VRK2: variants seen among roughly 807,000 people sequenced by gnomAD.
The protein encoded by VRK2 is VRK serine/threonine kinase 2.
Under a neutral mutation model 57.6 loss-of-function variants are expected in VRK2, and 60 were observed. The observed-to-expected ratio is 1.04, with a 90% confidence interval of 0.85 to 1.29. The LOEUF is 1.29. Among genes scored for constraint, VRK2 ranks in the 50% most tolerant of loss-of-function variants. VRK2 has a pLI of 0.00. For missense variants in VRK2, 705 were observed against 588.1 expected, an observed-to-expected ratio of 1.20 and a Z score of -2.06; for synonymous variants, 231 against 199.2, an observed-to-expected ratio of 1.16 and a Z score of -1.35.
intron 2 of VRK2, among the ~76,000 whole-genome samples, chr2:58,032,318 C>A (rs145470586): frequency 1.3e-5 from 2 of 152,004 alleles, no homozygotes; most frequent in African/African-American, 2.4e-5. Flanking sequence ...AGATTTATTT[C>A]TCAAATGTAT....
chr2:58,074,374 C>A (rs923450452), intron 2 of VRK2, among the ~76,000 whole-genome samples: 1 of 151,824 alleles, frequency 6.6e-6, no homozygotes, highest in Non-Finnish European at 1.5e-5. Context: ...GGTTTTTTAT[C>A]TGTTTTTTTT....
chr2:58,143,474 A>G (rs1375596592), intron 11 of VRK2, among the ~76,000 whole-genome samples: 1 of 151,950 alleles, frequency 6.6e-6, no homozygotes, highest in African/African-American at 2.4e-5. Context: ...TTAATTGGCT[A>G]TCATTTTGTT....
intron 1 of VRK2, among the ~76,000 whole-genome samples, chr2:57,963,497 T>C (rs1671822287): frequency 6.6e-6 from 1 of 152,256 alleles, no homozygotes; most frequent in Admixed American, 6.5e-5. Context: ...ATACATCTTA[T>C]GTGAACTTAT....
chr2:58,068,696 A>AT (rs1668956753), intron 2 of VRK2, among the ~76,000 whole-genome samples: 1 of 149,516 alleles, frequency 6.7e-6, no homozygotes, highest in African/African-American at 2.5e-5. Context: ...GTGGTGTTCA[A>AT]TTTTTTCATA....
chr2:58,025,533 C>T (rs1462698857), intron 1 of VRK2: 1 of 152,076 alleles, frequency 6.6e-6, no homozygotes, highest in African/African-American at 2.4e-5. Context: ...AGTTAAATGT[C>T]TTTTATCTAC....
At chr2:58,144,550 T>A (rs137875172) in intron 11 of VRK2, among the ~76,000 whole-genome samples, 12 of 152,100 alleles carry the variant, frequency 7.9e-5, no homozygotes, top group African/African-American at 2.9e-4. Context: ...AGGGCAAATC[T>A]CACCCTTTAT....
At chr2:58,120,179 C>CTTTTTTTTTT (rs1677207512) in intron 7 of VRK2, among the ~76,000 whole-genome samples, 1 of 93,368 alleles carries the variant, frequency 1.1e-5, no homozygotes, top group African/African-American at 4.6e-5. Context: ...ATTTTTTTTT[C>CTTTTTTTTTT]TTTTCTTTTT....
chr2:57,994,939 G>A (rs1392847109), intron 1 of VRK2, among the ~76,000 whole-genome samples: 1 of 152,022 alleles, frequency 6.6e-6, no homozygotes, highest in African/African-American at 2.4e-5. Flanking sequence ...GCTGAATTTT[G>A]TTTCTGTATT....
intron 12 of VRK2, chr2:58,147,301 G>A (rs1442876344): frequency 7.1e-6 from 3 of 421,316 alleles, no homozygotes; most frequent in Non-Finnish European, 1.4e-5. Flanking sequence ...TCCAGAGACA[G>A]AAATGCTTTT....
intron 7 of VRK2, among the ~76,000 whole-genome samples, chr2:58,105,038 T>C (rs923076703): frequency 2.0e-5 from 3 of 151,782 alleles, no homozygotes; most frequent in Non-Finnish European, 2.9e-5. Flanking sequence ...CCCCTATCTC[T>C]CACCATATAC....
intron 1 of VRK2, chr2:58,017,890 T>A (rs747607242): frequency 6.6e-6 from 1 of 152,232 alleles, no homozygotes; most frequent in Non-Finnish European, 1.5e-5. Flanking sequence ...AAGCTGATAC[T>A]TGATAATTAC....
At chr2:58,039,300 A>T (rs1186681052) in intron 3 of VRK2, among the ~76,000 whole-genome samples, 1 of 152,162 alleles carries the variant, frequency 6.6e-6, no homozygotes, top group African/African-American at 2.4e-5. Context: ...CATTGCCAAA[A>T]GGGGAAGTAC....
chr2:57,972,779 C>T (rs779106612), intron 1 of VRK2, among the ~76,000 whole-genome samples: 30 of 151,784 alleles, frequency 2.0e-4, no homozygotes, highest in Non-Finnish European at 1.0e-4. Context: ...TATAGATAAT[C>T]ATTCATTGTT....
intron 7 of VRK2, 90 bp from the exon 8 acceptor site, chr2:58,123,011 C>T (rs946594122): frequency 2.0e-6 from 3 of 1,483,460 alleles, no homozygotes; most frequent in African/African-American, 2.9e-5. Flanking sequence ...TGAGGCTGTT[C>T]TTAACCTATC....
intron 7 of VRK2, among the ~76,000 whole-genome samples, chr2:58,100,194 A>G: frequency 6.6e-6 from 1 of 151,992 alleles, no homozygotes; most frequent in Admixed American, 6.6e-5. Flanking sequence ...CAATCCATTT[A>G]TCAATCCAGG....
chr2:57,987,257 GTA>G (rs1672625935), intron 1 of VRK2, among the ~76,000 whole-genome samples: 2 of 152,058 alleles, frequency 1.3e-5, no homozygotes, highest in African/African-American at 4.8e-5. Flanking sequence ...TGCAAATTAT[GTA>G]TCTGATAAAG....
chr2:57,914,830 T>C lies in VRK2; in HGVS notation c.-439+6991T>C, dbSNP rs150767867. On this transcript the variant is annotated intron_variant, in intron 1 of 15. Coordinates refer to the VRK2 transcript ENST00000417641. ...AATATGTCATCCTTTATGAATTTCA[T>C]AAATAGCAAACCCAGGAACAGAGTA... 1.0e-3 allele frequency among the ~76,000 whole-genome samples: 159 copies of C among 152,296 alleles called. No homozygotes were observed. The Middle Eastern group carries it at 0.017, about 16-fold the overall frequency.
intron 1 of VRK2, among the ~76,000 whole-genome samples, chr2:57,990,214 T>C (rs886602131): frequency 3.9e-5 from 6 of 152,148 alleles, no homozygotes; most frequent in Admixed American, 1.3e-4. Context: ...GAAAAGGGGG[T>C]AGGAAATCAA....
intron 7 of VRK2, among the ~76,000 whole-genome samples, chr2:58,093,577 T>C (rs1438195563): frequency 6.6e-6 from 1 of 152,242 alleles, no homozygotes; most frequent in Admixed American, 6.5e-5. Flanking sequence ...CTTTGTCAGA[T>C]GAGTAGGTTG....
Sources: gnomAD v4.1 joint callset for allele counts (sites outside exome capture counted in the v4.1 genomes callset) on GRCh38, gnomAD v4.1.1 for gene constraint, MANE v1.5 for transcripts, NCBI Gene and HGNC (gene_info 2026-07-23, HGNC 2026-07-21) for gene names.